EQTN: variants seen among roughly 807,000 people sequenced by gnomAD.
EQTN encodes the protein Acrosome formation associated factor.
A neutral mutation model predicts 26.9 loss-of-function variants in EQTN; 29 were observed. The observed-to-expected ratio is 1.08, with a 90% CI of 0.80 to 1.47. The LOEUF is 1.47. EQTN is among the 40% of genes most tolerant of loss of function. EQTN has a pLI of 0.00. For synonymous variants in EQTN, 129 were observed against 120.0 expected (o/e 1.07, Z -0.49); for missense variants, 391 against 346.1 (o/e 1.13, Z -1.03).
chr9:27,284,727 C>T lies in EQTN; in HGVS notation c.881G>A (p.Arg294Gln), dbSNP rs368040874. 4.4e-5 allele frequency: 71 copies of T among 1,608,696 alleles called. No homozygotes were observed. Among genetic ancestry groups the T allele is most frequent in the Non-Finnish European group, 4.4e-5 (52 of 1,177,452 alleles). The change falls in exon 8 of 8, where the codon CGG becomes CAG. Residue 294 changes from arginine (R) to glutamine (Q), a missense_variant. Coordinates refer to ENST00000380032, the MANE Select transcript of EQTN (RefSeq NM_020641.3). ...TCACCGGGTTCCTTGATTTCTTCAC[C>T]GGGTAACCGACTCATCGTTTTCATG... ...EMHENDESVTR is the reference protein window; with the variant it reads ...EMHENDESVTQ
Position 27,287,754 on chromosome 9 carries a change from C to T in EQTN, c.482-1392G>A, listed in dbSNP as rs535348900. On this transcript the variant is annotated intron_variant, in intron 6 of 7. Coordinates refer to ENST00000380032, the MANE Select transcript of EQTN (RefSeq NM_020641.3). ...ATAAAATGAGCCAGCATTTGTCATT[C>T]CTGTTTATAACTTTTCTAAACAAAG... Among the ~76,000 whole-genome samples the T allele has an allele frequency of 3.3e-5, 5 of 152,298 alleles. No homozygotes were observed. The South Asian group carries it at 1.0e-3, about 32-fold the overall frequency.
intron 4 of EQTN, 79 bp from the exon 5 acceptor site, chr9:27,291,142 C>T (rs1023559648): frequency 2.3e-5 from 30 of 1,319,700 alleles, no homozygotes; most frequent in Admixed American, 1.1e-4. Flanking sequence ...GAGGAACATT[C>T]GTTTGTTAGT....
chr9:27,286,260 A>T lies in EQTN; in HGVS notation c.584T>A (p.Val195Glu), dbSNP rs1256080808. The change falls in exon 7 of 8, where the codon GTG (valine) becomes GAG (glutamate). Residue 195 changes from valine (V) to glutamate (E), a missense_variant. Physicochemically the swap from Val to Glu is moderately radical, Grantham distance 121 (BLOSUM62 -2). Transcript: ENST00000380032. ...GISLMTLLLF[V>E]VLLAFCSATL... Reference sequence around the variant, plus strand: ...AGCACTACAGAATGCCAAGAGGACCACAAAGAGGAGGAGGGTCATCAACGA... The same window carrying T: ...AGCACTACAGAATGCCAAGAGGACCTCAAAGAGGAGGAGGGTCATCAACGA... 4.3e-6 allele frequency: 7 copies of T among 1,613,830 alleles called. No homozygotes were observed. In the African/African-American group the frequency reaches 9.3e-5, roughly 22 times the overall value.
chr9:27,295,836 A>AC (rs1820328206), intron 2 of EQTN, among the ~76,000 whole-genome samples: 2 of 150,056 alleles, frequency 1.3e-5, no homozygotes, highest in Admixed American at 1.3e-4. Flanking sequence ...CGTCTCAAAA[A>AC]AAAAAAAAAA....
chr9:27,286,360 A>C lies in EQTN; in HGVS notation c.484T>G (p.Ser162Ala). 1 of 1,587,540 alleles carries C rather than the reference A, an allele frequency of 6.3e-7. No homozygotes were observed. The highest frequency in any genetic ancestry group is 8.6e-7 in the Non-Finnish European group (1 of 1,165,490). Residue 162 changes from serine (S) to alanine (A), a missense_variant and splice_region_variant, in exon 7 of 8, where the codon TCT becomes GCT. Transcript: ENST00000380032. ...TCTCCCTGTGTAGCATTCACATCAGACTCTGAAAAGAAAGAGAATGCAGTG... is the reference window on the plus strand; with the variant it reads ...TCTCCCTGTGTAGCATTCACATCAGCCTCTGAAAAGAAAGAGAATGCAGTG... ...KDQLFHPIPE[S>A]DVNATQGENQ...
intron 2 of EQTN, among the ~76,000 whole-genome samples, chr9:27,295,335 T>G (rs541726633): frequency 1.3e-5 from 2 of 152,248 alleles, no homozygotes; most frequent in Admixed American, 1.3e-4. Flanking sequence ...GTTGAAACAC[T>G]GGTATCTTTC....
At chr9:27,296,276 C>A (rs1820341464) in intron 2 of EQTN, among the ~76,000 whole-genome samples, 1 of 152,190 alleles carries the variant, frequency 6.6e-6, no homozygotes. Flanking sequence ...CCACTGCACT[C>A]CAGCCTGGGT....
In EQTN at chr9:27,286,272, A is replaced by AG; in HGVS notation, c.571dup (p.Leu191ProfsTer12). 1 of 1,613,664 alleles carries AG rather than the reference A, an allele frequency of 6.2e-7. No homozygotes were observed. Among genetic ancestry groups the AG allele is most frequent in the Non-Finnish European group, 8.5e-7 (1 of 1,179,874 alleles). On this transcript the variant is annotated frameshift_variant, in exon 7 of 8. Transcript: ENST00000380032. LOFTEE classifies it high-confidence loss of function. ...TGCCAAGAGGACCACAAAGAGGAGGAGGGTCATCAACGAGATTCCCAGCAT... is the reference window on the plus strand; with the variant it reads ...TGCCAAGAGGACCACAAAGAGGAGGAGGGGTCATCAACGAGATTCCCAGCAT...
intron 5 of EQTN, 53 bp downstream of exon 5, chr9:27,290,966 A>G (rs1820222232): frequency 6.5e-7 from 1 of 1,529,314 alleles, no homozygotes; most frequent in South Asian, 1.2e-5. Context: ...AGCTCTAAGT[A>G]AGATTTTAGA....
At chr9:27,291,984 A>G (rs911795102) in intron 4 of EQTN, 1 of 152,280 alleles carries the variant, frequency 6.6e-6, no homozygotes, top group Non-Finnish European at 1.5e-5. Flanking sequence ...CCCAACCTCA[A>G]ATAATCATAG....
intron 3 of EQTN, among the ~76,000 whole-genome samples, chr9:27,292,869 T>A (rs1346038581): frequency 2.0e-5 from 3 of 152,156 alleles, no homozygotes; most frequent in Non-Finnish European, 2.9e-5. Context: ...TGCTGTTCAG[T>A]GTAACGACGC....
intron 5 of EQTN, 75 bp from the exon 6 acceptor site, chr9:27,289,806 T>C: frequency 8.6e-7 from 1 of 1,169,406 alleles, no homozygotes; most frequent in Non-Finnish European, 1.2e-6. Context: ...TATGTGTATG[T>C]ATAATTATAG....
At position 27,296,649 on chromosome 9, in the gene EQTN, C is replaced by A; in HGVS notation, c.166G>T (p.Glu56Ter). The A allele has an allele frequency of 6.3e-7, 1 of 1,577,326 alleles. No individual in the cohort carries two copies. Among genetic ancestry groups the A allele is most frequent in the South Asian group, 1.1e-5 (1 of 88,832 alleles). ...DHTPNYAPAN[E>*]KNGNYYKDIK... ...TCTTTATAATAATTGCCATTTTTCT[C>A]ATTAGCAGGAGCATAATTGGGAGTA... The change falls in exon 2 of 8, where the codon GAG (glutamate) becomes TAG (stop). Residue 56 changes from glutamate (E) to a stop codon, truncating the protein, a stop_gained. Transcript: ENST00000380032. LOFTEE classifies it high-confidence loss of function.
At chr9:27,289,853 G>T (rs1820195768) in intron 5 of EQTN, 122 bp from the exon 6 acceptor site, 3 of 630,108 alleles carry the variant, frequency 4.8e-6, no homozygotes, top group Admixed American at 6.4e-5. Flanking sequence ...CATTATTCGT[G>T]GCAGTTATAT....
chr9:27,292,293 C>A (rs1420021161), intron 4 of EQTN, 108 bp downstream of exon 4: 2 of 590,456 alleles, frequency 3.4e-6, no homozygotes, highest in African/African-American at 3.8e-5. Context: ...AGTATAAATT[C>A]TTTAAGCATG....
chr9:27,286,939 T>A (rs965802548), intron 6 of EQTN, among the ~76,000 whole-genome samples: 2 of 152,126 alleles, frequency 1.3e-5, no homozygotes, highest in African/African-American at 4.8e-5. Flanking sequence ...ATTACAAAAA[T>A]AAATAGAATC....
chr9:27,289,770 C>T (rs771675097), intron 5 of EQTN, 39 bp from the exon 6 acceptor site: 2 of 1,545,930 alleles, frequency 1.3e-6, no homozygotes, highest in Non-Finnish European at 1.8e-6. Flanking sequence ...ACAACGTTCA[C>T]TTACTAAAAT....
intron 5 of EQTN, among the ~76,000 whole-genome samples, chr9:27,290,195 C>A (rs57023821): frequency 0.023 from 3,432 of 152,150 alleles, 139 homozygotes; most frequent in African/African-American, 0.079. Flanking sequence ...TTTTAAACAG[C>A]AAAATCATCA....
Position 27,292,473 on chromosome 9 carries a change from C to T in EQTN, c.304G>A (p.Ala102Thr), listed in dbSNP as rs867587136. ...FALKNDKTVN[A>T]TTYEKSTIEE... The stretch of plus-strand genomic sequence containing the variant: ...ATGGTGGATTTTTCATATGTAGTTG[C>T]ATTGACAGTTTTATCTAGGAAAAGG... The change falls in exon 4 of 8, where the codon GCA becomes ACA. Residue 102 changes from alanine (A) to threonine (T), a missense_variant. Transcript: ENST00000380032. The T allele has an allele frequency of 2.5e-6, 4 of 1,602,280 alleles. No homozygotes were observed. The South Asian group carries it at 3.4e-5, about 13-fold the overall frequency.
Sources: allele counts gnomAD v4.1 joint callset (sites outside exome capture counted in the v4.1 genomes callset), GRCh38; gene constraint gnomAD v4.1.1; transcripts MANE v1.5; gene names NCBI Gene and HGNC (gene_info 2026-07-23, HGNC 2026-07-21).